The following VEPH1 variants were observed in gnomAD, a reference collection of about 807,000 sequenced individuals.
VEPH1 encodes the protein ventricular zone-expressed PH domain-containing protein homolog 1.
Under a neutral mutation model 85.2 loss-of-function variants are expected in VEPH1, and 80 were observed. That is an observed-to-expected ratio of 0.94 (90% confidence interval 0.78 to 1.13). The LOEUF is 1.13. Ranked by LOEUF, VEPH1 falls within the 50% of genes most tolerant of loss-of-function variation. VEPH1 has a pLI of 0.00. For missense variants in VEPH1, 955 were observed against 980.5 expected (o/e 0.97, Z 0.35); for synonymous variants, 297 against 348.0 (o/e 0.85, Z 1.63).
intron 3 of VEPH1, among the ~76,000 whole-genome samples, chr3:157,465,482 A>G (rs1736278930): frequency 6.6e-6 from 1 of 152,218 alleles, no homozygotes; most frequent in African/African-American, 2.4e-5. Flanking sequence ...GCTCCTCTTA[A>G]TATCTGCATT....
At chr3:157,298,898 G>A (rs112837345) in intron 11 of VEPH1, among the ~76,000 whole-genome samples, 88 of 152,222 alleles carry the variant, frequency 5.8e-4, no homozygotes, top group African/African-American at 2.0e-3. Context: ...CAACTTTCAG[G>A]ATTCTAAAAT....
At chr3:157,396,390 G>T (rs1374455292) in intron 6 of VEPH1, among the ~76,000 whole-genome samples, 1 of 152,186 alleles carries the variant, frequency 6.6e-6, no homozygotes, top group Non-Finnish European at 1.5e-5. Context: ...GAATAGTGCT[G>T]CAGTGAACAT....
At chr3:157,478,029 C>A (rs917798671) in intron 2 of VEPH1, among the ~76,000 whole-genome samples, 11 of 152,100 alleles carry the variant, frequency 7.2e-5, no homozygotes, top group African/African-American at 2.7e-4. Flanking sequence ...ATACATTGCC[C>A]AAATCCCCTC....
intron 3 of VEPH1, among the ~76,000 whole-genome samples, chr3:157,460,854 G>A (rs1044708570): frequency 2.0e-5 from 3 of 152,066 alleles, no homozygotes; most frequent in African/African-American, 7.2e-5. Flanking sequence ...AACTGGAGTG[G>A]GAGGTGAGGG....
intron 9 of VEPH1, among the ~76,000 whole-genome samples, chr3:157,338,372 C>T (rs933281492): frequency 6.6e-6 from 1 of 152,152 alleles, no homozygotes; most frequent in Non-Finnish European, 1.5e-5. Context: ...ACTTCTCTAC[C>T]TTTATGAATA....
At chr3:157,315,783 C>A (rs902492820) in intron 10 of VEPH1, 4 of 151,432 alleles carry the variant, frequency 2.6e-5, no homozygotes, top group African/African-American at 9.7e-5. Flanking sequence ...GCAAAAAAAC[C>A]CATCAAGATT....
At chr3:157,408,746 T>A (rs1731319462) in intron 6 of VEPH1, among the ~76,000 whole-genome samples, 1 of 152,020 alleles carries the variant, frequency 6.6e-6, no homozygotes, top group Non-Finnish European at 1.5e-5. Context: ...TCAGGTAAGA[T>A]AAGTAGGAGA....
At chr3:157,272,482 G>T (rs1577205061) in intron 12 of VEPH1, among the ~76,000 whole-genome samples, 1 of 118,336 alleles carries the variant, frequency 8.5e-6, no homozygotes. Flanking sequence ...TTTTTTTTCA[G>T]GGTCTCACTC....
At chr3:157,435,881 T>C (rs1324184037) in intron 4 of VEPH1, among the ~76,000 whole-genome samples, 4 of 152,230 alleles carry the variant, frequency 2.6e-5, no homozygotes, top group African/African-American at 9.6e-5. Flanking sequence ...GTCCACATAA[T>C]ACCAAGTTAT....
intron 11 of VEPH1, among the ~76,000 whole-genome samples, chr3:157,300,310 C>T (rs930622693): frequency 1.3e-5 from 2 of 152,080 alleles, no homozygotes; most frequent in Non-Finnish European, 2.9e-5. Flanking sequence ...AGAGTTATTT[C>T]GTTAACTATT....
At chr3:157,481,147 G>A (rs1187432779) in intron 2 of VEPH1, among the ~76,000 whole-genome samples, 13 of 151,930 alleles carry the variant, frequency 8.6e-5, no homozygotes, top group Admixed American at 7.9e-4. Flanking sequence ...GGGACTAATT[G>A]TTTTTTGCAT....
At chr3:157,279,177 G>T (rs1176046432) in intron 12 of VEPH1, among the ~76,000 whole-genome samples, 1 of 152,122 alleles carries the variant, frequency 6.6e-6, no homozygotes, top group East Asian at 1.9e-4. Flanking sequence ...TAGTAAGAGC[G>T]TTACTCCAAC....
chr3:157,397,410 C>T (rs570302874), intron 6 of VEPH1, among the ~76,000 whole-genome samples: 4 of 152,168 alleles, frequency 2.6e-5, no homozygotes, highest in African/African-American at 7.2e-5. Context: ...CTTGGCTATA[C>T]GGGCTCTTTT....
chr3:157,360,310 T>C (rs1725903749), intron 9 of VEPH1, among the ~76,000 whole-genome samples: 3 of 152,150 alleles, frequency 2.0e-5, no homozygotes, highest in African/African-American at 7.2e-5. Context: ...CATATCTCTG[T>C]GCAAGGAATT....
At position 157,413,929 on chromosome 3, in the gene VEPH1, G is replaced by A. The variant is rs765716152; in HGVS notation, c.858C>T (p.Leu286=). The A allele has an allele frequency of 1.2e-6, 2 of 1,613,662 alleles. No individual in the cohort carries two copies. The highest frequency in any genetic ancestry group is 2.2e-5 in the East Asian group (1 of 44,850). ...CATAAATCCTTGCCATCTGTCCAGT[G>A]AGGTAGGGGAATCTCTCACCAATCT... ...LKEIGERFPY[L]TGQMARIYGA... The change falls in exon 6 of 14, where the codon CTC becomes CTT. Residue 286 remains leucine, a synonymous_variant. Coordinates refer to ENST00000362010, the MANE Select transcript of VEPH1 (RefSeq NM_001167912.2).
At chr3:157,492,688 G>A (rs1049778416) in intron 2 of VEPH1, among the ~76,000 whole-genome samples, 1 of 152,154 alleles carries the variant, frequency 6.6e-6, no homozygotes, top group Non-Finnish European at 1.5e-5. Context: ...ATTTCATCTG[G>A]CTAAGCAGAG....
chr3:157,303,122 T>C (rs1719025801), intron 11 of VEPH1, among the ~76,000 whole-genome samples: 1 of 152,240 alleles, frequency 6.6e-6, no homozygotes, highest in African/African-American at 2.4e-5. Flanking sequence ...AATGCTCTAA[T>C]ACACCAAAGC....
chr3:157,383,906 T>G (rs1027389357), intron 6 of VEPH1, among the ~76,000 whole-genome samples: 2 of 152,120 alleles, frequency 1.3e-5, no homozygotes, highest in Non-Finnish European at 2.9e-5. Flanking sequence ...TTTTGCAACA[T>G]AGACTCATTT....
At chr3:157,443,888 C>T (rs1185025060) in intron 4 of VEPH1, among the ~76,000 whole-genome samples, 1 of 152,112 alleles carries the variant, frequency 6.6e-6, no homozygotes, top group African/African-American at 2.4e-5. Flanking sequence ...ATTCTAGGAG[C>T]TTATACAACT....
Sources: allele counts gnomAD v4.1 joint callset (sites outside exome capture counted in the v4.1 genomes callset), GRCh38; gene constraint gnomAD v4.1.1; transcripts MANE v1.5; gene names NCBI Gene and HGNC (gene_info 2026-07-23, HGNC 2026-07-21).